The following PLCH1 variants were observed in gnomAD, a reference collection of about 807,000 sequenced individuals.
PLCH1 encodes phospholipase C eta 1.
A neutral mutation model predicts 126.7 loss-of-function variants in PLCH1; 60 were observed. The ratio of observed to expected loss-of-function variants is 0.47; its 90% confidence interval spans 0.38 to 0.59. The LOEUF is 0.59. PLCH1 is among the 20% of genes least tolerant of loss of function. The pLI, the probability that PLCH1 is intolerant of heterozygous loss-of-function variation, is 0.00. For synonymous variants in PLCH1, 719 were observed against 734.9 expected (o/e 0.98, Z 0.35); for missense variants, 1,723 against 2,040.0 (o/e 0.84, Z 2.99).
At chr3:155,623,828 G>A (rs1469314375) in intron 2 of PLCH1, among the ~76,000 whole-genome samples, 3 of 152,278 alleles carry the variant, frequency 2.0e-5, no homozygotes, top group African/African-American at 4.8e-5. Flanking sequence ...GGTACAAAGA[G>A]GAGCTGGTAC....
intron 2 of PLCH1, among the ~76,000 whole-genome samples, chr3:155,627,982 A>G (rs56229209): frequency 0.51 from 77,075 of 151,260 alleles, 22,649 homozygotes; most frequent in African/African-American, 0.8. Context: ...GGCCAGGTTG[A>G]TCTCGAACTC....
At chr3:155,468,043 C>A (rs1712996812) in intron 21 of PLCH1, among the ~76,000 whole-genome samples, 1 of 152,106 alleles carries the variant, frequency 6.6e-6, no homozygotes, top group Non-Finnish European at 1.5e-5. Flanking sequence ...ACCTAAAACA[C>A]CTTTTCAAGA....
At chr3:155,462,740 C>G (rs1712775668) in intron 21 of PLCH1, among the ~76,000 whole-genome samples, 1 of 152,160 alleles carries the variant, frequency 6.6e-6, no homozygotes, top group South Asian at 2.1e-4. Flanking sequence ...GCTACTCGCA[C>G]AGTGGTTAAG....
intron 2 of PLCH1, among the ~76,000 whole-genome samples, chr3:155,691,815 T>A (rs1036327376): frequency 1.3e-5 from 2 of 152,180 alleles, no homozygotes; most frequent in Non-Finnish European, 2.9e-5. Context: ...GTTCTCATCA[T>A]AGATTAATCA....
intron 8 of PLCH1, among the ~76,000 whole-genome samples, chr3:155,560,664 GAA>G (rs1727454697): frequency 6.6e-6 from 1 of 152,106 alleles, no homozygotes. Context: ...ATCTGACAAA[GAA>G]AGGCCCTTCC....
intron 6 of PLCH1, among the ~76,000 whole-genome samples, chr3:155,576,833 T>G (rs1392937876): frequency 1.3e-5 from 2 of 152,224 alleles, no homozygotes; most frequent in Non-Finnish European, 2.9e-5. Context: ...TAAAGAATGT[T>G]GAAATGCACA....
intron 1 of PLCH1, among the ~76,000 whole-genome samples, chr3:155,735,296 C>T (rs1364826101): frequency 3.3e-5 from 5 of 152,010 alleles, no homozygotes; most frequent in Non-Finnish European, 5.9e-5. Flanking sequence ...GTCTATTGTA[C>T]AACATGATGA....
At chr3:155,556,706 C>T (rs1004948030) in intron 8 of PLCH1, among the ~76,000 whole-genome samples, 1 of 152,190 alleles carries the variant, frequency 6.6e-6, no homozygotes, top group Non-Finnish European at 1.5e-5. Flanking sequence ...AGCTGAGAGC[C>T]TTAAGAGCAA....
At chr3:155,495,728 A>T (rs1320262646) in intron 15 of PLCH1, among the ~76,000 whole-genome samples, 1 of 152,222 alleles carries the variant, frequency 6.6e-6, no homozygotes, top group African/African-American at 2.4e-5. Context: ...ACTGACAATG[A>T]TACTCCCGAG....
chr3:155,469,863 G>T (rs1201103515), intron 21 of PLCH1, among the ~76,000 whole-genome samples: 3 of 152,054 alleles, frequency 2.0e-5, no homozygotes, highest in Non-Finnish European at 4.4e-5. Context: ...GCAGCTGAGG[G>T]TCCTGTCTGT....
chr3:155,547,651 G>C (rs7636012), intron 10 of PLCH1, among the ~76,000 whole-genome samples: 129,409 of 151,518 alleles, frequency 0.85, 56,155 homozygotes, highest in Middle Eastern at 0.95. Flanking sequence ...AAATGTCCAA[G>C]AATGATAGAC....
chr3:155,674,433 A>G (rs1577299638), intron 2 of PLCH1, among the ~76,000 whole-genome samples: 1 of 152,216 alleles, frequency 6.6e-6, no homozygotes, highest in African/African-American at 2.4e-5. Context: ...TTCAGAATCT[A>G]TCAATTTCAC....
intron 6 of PLCH1, among the ~76,000 whole-genome samples, chr3:155,571,746 T>G (rs1729257128): frequency 6.6e-6 from 1 of 152,194 alleles, no homozygotes; most frequent in Non-Finnish European, 1.5e-5. Context: ...ATTGTACACT[T>G]TAAAAATTAT....
At chr3:155,504,890 C>T (rs186668063) in intron 12 of PLCH1, among the ~76,000 whole-genome samples, 1 of 152,316 alleles carries the variant, frequency 6.6e-6, no homozygotes, top group African/African-American at 2.4e-5. Flanking sequence ...AAGCTGAGGT[C>T]AAGGGCTCTC....
intron 1 of PLCH1, among the ~76,000 whole-genome samples, chr3:155,710,666 C>T (rs1391563648): frequency 1.3e-5 from 2 of 151,964 alleles, no homozygotes; most frequent in African/African-American, 4.8e-5. Context: ...AACCCCATCT[C>T]TACTAAAAAT....
At position 155,532,327 on chromosome 3, in the gene PLCH1, C is replaced by T. The variant is rs549781393; in HGVS notation, c.1363-8323G>A. Among the ~76,000 whole-genome samples the T allele has an allele frequency of 7.9e-5, 12 of 152,274 alleles. No homozygotes were observed. In the South Asian group the frequency reaches 8.3e-4, roughly 11 times the overall value. Reference sequence around the variant, plus strand: ...CCTTTGAAGGAAGCAGACTGCTGTTCCAAGCTCTGTGAGACAGCTGAAAAA... The same window carrying T: ...CCTTTGAAGGAAGCAGACTGCTGTTTCAAGCTCTGTGAGACAGCTGAAAAA... On this transcript the variant is annotated intron_variant, in intron 10 of 22. Coordinates refer to ENST00000460012, the MANE Select transcript of PLCH1 (RefSeq NM_014996.4).
chr3:155,591,935 G>C, intron 4 of PLCH1, among the ~76,000 whole-genome samples: 1 of 151,928 alleles, frequency 6.6e-6, no homozygotes, highest in East Asian at 1.9e-4. Context: ...CAAACTCCTG[G>C]CCTCAAGTGA....
intron 12 of PLCH1, among the ~76,000 whole-genome samples, chr3:155,513,828 C>T (rs896721671): frequency 4.6e-5 from 7 of 152,168 alleles, no homozygotes; most frequent in African/African-American, 1.2e-4. Context: ...TTATCCTATA[C>T]TCTGGCCAAG....
intron 2 of PLCH1, among the ~76,000 whole-genome samples, chr3:155,607,759 T>C (rs1339158073): frequency 6.6e-6 from 1 of 152,140 alleles, no homozygotes; most frequent in Admixed American, 6.5e-5. Context: ...TTAATAAAAA[T>C]ATCTTCAAAA....
Sources: gnomAD v4.1 joint callset for allele counts (sites outside exome capture counted in the v4.1 genomes callset) on GRCh38, gnomAD v4.1.1 for gene constraint, MANE v1.5 for transcripts, NCBI Gene and HGNC (gene_info 2026-07-23, HGNC 2026-07-21) for gene names.